The following OLFML2B variants were observed in gnomAD, a reference collection of about 807,000 sequenced individuals.
The protein encoded by OLFML2B is olfactomedin-like protein 2B.
OLFML2B carries 57 observed loss-of-function variants against 74.9 expected under a neutral mutation model. That is an observed-to-expected ratio of 0.76 (90% CI 0.61 to 0.95). OLFML2B has a LOEUF of 0.95. Among genes scored for constraint, OLFML2B ranks in the 40% least tolerant of loss-of-function variants. The pLI, the probability that OLFML2B is intolerant of heterozygous loss-of-function variation, is 0.00. For synonymous variants in OLFML2B, 388 were observed against 405.8 expected (o/e 0.96, Z 0.53); for missense variants, 986 against 970.6 (o/e 1.02, Z -0.21).
chr1:162,020,311 G>A, intron 1 of OLFML2B, 129 bp from the exon 2 acceptor site: 1 of 1,022,430 alleles, frequency 9.8e-7, no homozygotes, highest in Non-Finnish European at 1.4e-6. Flanking sequence ...CTGAACCACA[G>A]AGCCAATAGG....
At chr1:162,018,427 C>T (rs182045084) in intron 2 of OLFML2B, among the ~76,000 whole-genome samples, 2 of 152,252 alleles carry the variant, frequency 1.3e-5, no homozygotes, top group African/African-American at 4.8e-5. Context: ...TGAGGATGTG[C>T]TTCTGAAACA....
intron 6 of OLFML2B, chr1:161,985,293 C>A (rs1317711957): frequency 4.0e-6 from 1 of 250,300 alleles, no homozygotes; most frequent in Non-Finnish European, 7.6e-6. Context: ...ACATCATGCC[C>A]TCCTCTGGAG....
intron 6 of OLFML2B, among the ~76,000 whole-genome samples, chr1:161,996,010 A>G (rs565823619): frequency 6.6e-6 from 1 of 152,264 alleles, no homozygotes; most frequent in African/African-American, 2.4e-5. Flanking sequence ...CTGCAGAAAC[A>G]CAGCAGGACC....
chr1:161,984,277 C>T lies in OLFML2B; in HGVS notation c.1652-1G>A. ...AGCTTGTAGGAATTGCTCCAGCGAC[C>T]TGCAGGTGGGGAGAAAACAGGAGGC... On this transcript the variant is annotated splice_acceptor_variant, in intron 7 of 7. Transcript: ENST00000294794. LOFTEE classifies it high-confidence loss of function. 6.6e-7 allele frequency: 1 copy of T among 1,518,260 alleles called. No homozygotes were observed. Among genetic ancestry groups the T allele is most frequent in the Non-Finnish European group, 8.8e-7 (1 of 1,134,058 alleles). The allele number at this position is 1,518,260 out of a possible 1,614,324, so 94.0% of individuals were successfully genotyped here. A position where few individuals can be genotyped will look rare whatever the true frequency, so the allele number is the denominator to read the frequency against.
chr1:162,014,545 G>A (rs1373954653), intron 3 of OLFML2B, among the ~76,000 whole-genome samples: 3 of 152,212 alleles, frequency 2.0e-5, no homozygotes. Flanking sequence ...TGGGATTCAA[G>A]AATATTCAAG....
At chr1:162,022,588 A>G (rs1213124113) in intron 1 of OLFML2B, among the ~76,000 whole-genome samples, 1 of 152,152 alleles carries the variant, frequency 6.6e-6, no homozygotes, top group Non-Finnish European at 1.5e-5. Context: ...ATAAATGGGT[A>G]TTAGGGTGTT....
intron 6 of OLFML2B, among the ~76,000 whole-genome samples, chr1:161,991,345 C>T (rs1249069521): frequency 1.3e-5 from 2 of 152,182 alleles, no homozygotes; most frequent in African/African-American, 4.8e-5. Context: ...AGAATGAATG[C>T]TGTGTTGGCA....
At chr1:161,990,058 A>G (rs1689693114) in intron 6 of OLFML2B, among the ~76,000 whole-genome samples, 1 of 152,240 alleles carries the variant, frequency 6.6e-6, no homozygotes, top group African/African-American at 2.4e-5. Flanking sequence ...AGGGCAACTC[A>G]TAGTTCCGTT....
chr1:161,992,962 C>A (rs1477040829), intron 6 of OLFML2B, among the ~76,000 whole-genome samples: 1 of 98,198 alleles, frequency 1.0e-5, no homozygotes, highest in Non-Finnish European at 2.6e-5. Context: ...AAGCTTCAGT[C>A]TGTAAAAAAA....
At chr1:162,014,597 G>A (rs368638187) in intron 3 of OLFML2B, among the ~76,000 whole-genome samples, 18 of 152,206 alleles carry the variant, frequency 1.2e-4, no homozygotes, top group African/African-American at 3.4e-4. Context: ...CTGCAGAACC[G>A]AGCTGGAGAG....
At position 162,006,300 on chromosome 1, in the gene OLFML2B, T is replaced by C; in HGVS notation, c.720A>G (p.Pro240=). The C allele has an allele frequency of 1.3e-6, 2 of 1,579,628 alleles. No individual in the cohort carries two copies. Among genetic ancestry groups the C allele is most frequent in the Non-Finnish European group, 8.6e-7 (1 of 1,166,614 alleles). Residue 240 remains proline (P), a synonymous_variant, in exon 4 of 8, where the codon CCA becomes CCG. Transcript: ENST00000294794. ...QRDAAAAYAH[P]EYEERFLQEE... is the part of the protein sequence containing the mutation. The stretch of plus-strand genomic sequence containing the variant: ...CCCTTGGAGGCTGGGGCTATACCTC[T>C]GGGTGGGCGTAGGCTGCTGCTGCAT...
chr1:162,001,360 T>A (rs776445867), intron 4 of OLFML2B, among the ~76,000 whole-genome samples: 41 of 152,158 alleles, frequency 2.7e-4, no homozygotes, highest in Non-Finnish European at 1.8e-4. Flanking sequence ...TGATGGGATG[T>A]GCATTTGGAA....
At chr1:162,003,915 C>G (rs775707150) in intron 4 of OLFML2B, among the ~76,000 whole-genome samples, 2 of 152,208 alleles carry the variant, frequency 1.3e-5, no homozygotes, top group Admixed American at 1.3e-4. Context: ...TCTGCCCCAC[C>G]ACCCTGGTGG....
intron 6 of OLFML2B, among the ~76,000 whole-genome samples, chr1:161,988,742 C>T (rs1433164151): frequency 1.3e-5 from 2 of 152,114 alleles, no homozygotes; most frequent in Non-Finnish European, 2.9e-5. Context: ...CTCATTCTTC[C>T]TGCAGACTCA....
intron 6 of OLFML2B, among the ~76,000 whole-genome samples, chr1:161,992,991 C>G (rs868137480): frequency 4.3e-5 from 6 of 138,762 alleles, no homozygotes; most frequent in South Asian, 2.4e-4. Context: ...CTGTGAAGTA[C>G]AACAAAGCAA....
rs1332926514 is a variant in OLFML2B at position 162,017,527 on chromosome 1, G to A, written c.439-20C>T. The A allele has an allele frequency of 5.7e-6, 9 of 1,583,490 alleles. No individual in the cohort carries two copies. In the South Asian group the frequency reaches 6.7e-5, roughly 12 times the overall value. The stretch of plus-strand genomic sequence containing the variant: ...GGAGAGCTATGAAACAAGGCAAGGG[G>A]TTAGTCCAGGGCTGGGGCACACAGA... On this transcript the variant is annotated intron_variant, in intron 2 of 7. Coordinates refer to ENST00000294794, the MANE Select transcript of OLFML2B (RefSeq NM_015441.3).
intron 2 of OLFML2B, among the ~76,000 whole-genome samples, chr1:162,017,886 T>G (rs965425307): frequency 6.6e-6 from 1 of 152,194 alleles, no homozygotes; most frequent in East Asian, 1.9e-4. Context: ...TCAGCCTAAA[T>G]GCACATCAAT....
At chr1:162,002,140 C>T (rs909190904) in intron 4 of OLFML2B, among the ~76,000 whole-genome samples, 4 of 152,374 alleles carry the variant, frequency 2.6e-5, no homozygotes, top group East Asian at 3.9e-4. Context: ...AACCTGTGAA[C>T]TGACTGTGCT....
At chr1:162,011,276 G>A (rs1300565155) in intron 3 of OLFML2B, among the ~76,000 whole-genome samples, 3 of 152,206 alleles carry the variant, frequency 2.0e-5, no homozygotes, top group African/African-American at 7.2e-5. Context: ...ACAGGGCTAA[G>A]ATACAGATGG....
Sources: gnomAD v4.1 joint callset for allele counts (sites outside exome capture counted in the v4.1 genomes callset) on GRCh38, gnomAD v4.1.1 for gene constraint, MANE v1.5 for transcripts, NCBI Gene and HGNC (gene_info 2026-07-23, HGNC 2026-07-21) for gene names.